The following HMGN5 variants were observed in gnomAD, a reference collection of about 807,000 sequenced individuals.
The protein encoded by HMGN5 is high mobility group nucleosome-binding domain-containing protein 5.
A neutral mutation model predicts 9.5 loss-of-function variants in HMGN5; 4 were observed. The observed-to-expected ratio is 0.42, with a 90% confidence interval of 0.21 to 0.96. The LOEUF (loss-of-function observed/expected upper bound fraction) is 0.96. Ranked by LOEUF, HMGN5 falls within the 40% of genes least tolerant of loss-of-function variation. The probability of loss-of-function intolerance (pLI) is 0.30; values close to 1 mark genes in which losing one functional copy is unlikely to be tolerated. For synonymous variants in HMGN5, 55 were observed against 57.1 expected, an observed-to-expected ratio of 0.96 and a Z score of 0.16; for missense variants, 192 against 187.5, an observed-to-expected ratio of 1.02 and a Z score of -0.14.
At chrX:81,140,708 T>C (rs1326740237) in intron 1 of HMGN5, among the ~76,000 whole-genome samples, 1 of 111,048 alleles carries the variant, frequency 9.0e-6, no homozygotes, top group Admixed American at 9.5e-5. Context: ...CTTTCTGCCT[T>C]CAGGTGAGAT....
At chrX:81,181,049 G>A (rs1442008717) in intron 1 of HMGN5, among the ~76,000 whole-genome samples, 1 of 110,546 alleles carries the variant, frequency 9.0e-6, no homozygotes, top group Non-Finnish European at 1.9e-5. Context: ...GGGCCTGTCA[G>A]GGGTGGGGCC....
intron 1 of HMGN5, among the ~76,000 whole-genome samples, chrX:81,192,965 A>T (rs1173776044): frequency 9.1e-6 from 1 of 109,969 alleles, no homozygotes; most frequent in African/African-American, 3.3e-5. Flanking sequence ...CTATTTTTTT[A>T]GGTAAGATTA....
chrX:81,201,412 CAA>C (rs1024489124), intron 1 of HMGN5, among the ~76,000 whole-genome samples: 2 of 111,241 alleles, frequency 1.8e-5, no homozygotes, highest in African/African-American at 6.5e-5. Context: ...AAAAGCAAAA[CAA>C]AACAAAAATC....
At chrX:81,118,375 A>T in intron 5 of HMGN5, 57 bp downstream of exon 5, 1 of 766,978 alleles carries the variant, frequency 1.3e-6, no homozygotes. Context: ...GCCATTTCAA[A>T]AATTATTTTT....
intron 1 of HMGN5, among the ~76,000 whole-genome samples, chrX:81,189,111 T>A (rs1010006032): frequency 3.6e-5 from 4 of 112,036 alleles, no homozygotes; most frequent in African/African-American, 1.3e-4. Context: ...ATTTCTCTTT[T>A]ATGTTTCAAG....
intron 1 of HMGN5, among the ~76,000 whole-genome samples, chrX:81,200,673 C>A (rs1183481446): frequency 9.0e-6 from 1 of 111,258 alleles, no homozygotes; most frequent in Non-Finnish European, 1.9e-5. Flanking sequence ...CACATGGACA[C>A]AGGACAGGGA....
chrX:81,133,278 T>C (rs770664896), intron 1 of HMGN5, among the ~76,000 whole-genome samples: 1 of 111,714 alleles, frequency 9.0e-6, no homozygotes, highest in African/African-American at 3.2e-5. Context: ...AGTTCAACCA[T>C]TGTGGAAGAC....
In HMGN5 at chrX:81,152,055, A is replaced by G. The variant is rs749337998; in HGVS notation, c.-123-30383T>C. Among the ~76,000 whole-genome samples, 781 of 112,016 alleles carry G rather than the reference A, an allele frequency of 7.0e-3. 8 individuals are homozygous for G. Among genetic ancestry groups the G allele is most frequent in the African/African-American group, 0.024 (726 of 30,760 alleles). ...ACATAAAAACCCTAGAAGAAAACCTAGGCATTACCATTCAGGACATAGGCA... is the reference window on the plus strand; with the variant it reads ...ACATAAAAACCCTAGAAGAAAACCTGGGCATTACCATTCAGGACATAGGCA... On this transcript the variant is annotated intron_variant, in intron 1 of 6. Transcript: ENST00000358130.
In HMGN5 at chrX:81,119,815, A is replaced by G. The variant is rs916979517; in HGVS notation, c.18T>C (p.Ala6=). MPKRK[A]AGQGDMRQEP... is the part of the protein sequence containing the mutation. ...CCTGCCTCATATCACCTTGACCTGC[A>G]GCCTACACAGAGGAGAAAACCACAC... Residue 6 remains alanine, a splice_region_variant and synonymous_variant, in exon 3 of 7, where the codon GCT becomes GCC. Coordinates refer to ENST00000358130, the MANE Select transcript of HMGN5 (RefSeq NM_030763.3). 8.3e-7 allele frequency: 1 copy of G among 1,201,898 alleles called. No homozygotes were observed. Among genetic ancestry groups the G allele is most frequent in the African/African-American group, 1.8e-5 (1 of 57,078 alleles).
intron 5 of HMGN5, 135 bp downstream of exon 5, chrX:81,118,297 T>C: frequency 2.6e-6 from 1 of 388,165 alleles, no homozygotes; most frequent in South Asian, 6.4e-5. Context: ...TTTACATGTA[T>C]CATATGATAG....
chrX:81,185,803 T>C (rs987065939), intron 1 of HMGN5, among the ~76,000 whole-genome samples: 1 of 111,739 alleles, frequency 8.9e-6, no homozygotes, highest in Non-Finnish European at 1.9e-5. Flanking sequence ...TTCCCAGTTT[T>C]TTTAGGGTTT....
chrX:81,191,955 T>C (rs2075495334), intron 1 of HMGN5, among the ~76,000 whole-genome samples: 2 of 111,042 alleles, frequency 1.8e-5, no homozygotes, highest in Non-Finnish European at 3.8e-5. Flanking sequence ...ACACACACTA[T>C]TGAAGCTGAT....
At chrX:81,145,707 G>T (rs2075341655) in intron 1 of HMGN5, among the ~76,000 whole-genome samples, 1 of 111,509 alleles carries the variant, frequency 9.0e-6, no homozygotes, top group Non-Finnish European at 1.9e-5. Flanking sequence ...ACAGGCTGAA[G>T]AATTGGTTAA....
intron 1 of HMGN5, among the ~76,000 whole-genome samples, chrX:81,127,689 G>C (rs1434616745): frequency 1.8e-5 from 2 of 110,991 alleles, no homozygotes; most frequent in African/African-American, 3.3e-5. Context: ...AAACACATGG[G>C]CCATCAACTG....
At chrX:81,173,828 G>A (rs192732874) in intron 1 of HMGN5, among the ~76,000 whole-genome samples, 1 of 111,653 alleles carries the variant, frequency 9.0e-6, no homozygotes, top group East Asian at 2.8e-4. Context: ...TTGAATGAAT[G>A]TAACCTTTTC....
At position 81,192,849 on chromosome X, in the gene HMGN5, G is replaced by A. The variant is rs780393769; in HGVS notation, c.-124+8888C>T. On this transcript the variant is annotated intron_variant, in intron 1 of 6. Transcript: ENST00000358130. ...TTTCATTGTCTTCTGCCTCTCATTT[G>A]TTCTGATGTACAGTCAGCAATAATT... Among the ~76,000 whole-genome samples the A allele has an allele frequency of 2.7e-5, 3 of 109,837 alleles. No homozygotes were observed. In the Admixed American group the frequency reaches 2.9e-4, roughly 11 times the overall value.
At chrX:81,191,564 C>G (rs1257099592) in intron 1 of HMGN5, among the ~76,000 whole-genome samples, 2 of 111,919 alleles carry the variant, frequency 1.8e-5, no homozygotes, top group African/African-American at 6.5e-5. Flanking sequence ...AGGCACATTA[C>G]ATTGATTGCT....
rs367827829 is a variant in HMGN5, at chrX:81,140,485, G to A, written c.-123-18813C>T. 3.6e-4 allele frequency among the ~76,000 whole-genome samples: 38 copies of A among 105,917 alleles called. No individual in the cohort carries two copies. In the South Asian group the frequency reaches 8.7e-3, roughly 24 times the overall value. 92.0% of individuals were successfully genotyped at this position (105,917 alleles called of 115,157 possible). On this transcript the variant is annotated intron_variant, in intron 1 of 6. Transcript: ENST00000358130. ...TGAGGCAGGAGAATGGCGTGAACCC[G>A]GAAGGGGGAGCTTGCAGTGAGGCGA...
intron 1 of HMGN5, among the ~76,000 whole-genome samples, chrX:81,153,618 T>C (rs1414380589): frequency 9.4e-5 from 5 of 53,242 alleles, no homozygotes; most frequent in African/African-American, 3.9e-4. Context: ...TATATATATA[T>C]ATATATATAT....
Sources: allele counts gnomAD v4.1 joint callset (sites outside exome capture counted in the v4.1 genomes callset), GRCh38; gene constraint gnomAD v4.1.1; transcripts MANE v1.5; gene names NCBI Gene and HGNC (gene_info 2026-07-23, HGNC 2026-07-21).